The following ADK variants were observed in gnomAD, a reference collection of about 807,000 sequenced individuals.
ADK encodes the protein adenosine kinase.
In ADK, 24 loss-of-function variants were observed where a neutral mutation model predicts 44.7. The observed-to-expected ratio is 0.54, with a 90% CI of 0.39 to 0.76. The LOEUF (loss-of-function observed/expected upper bound fraction) is 0.76, where lower values mean the gene tolerates loss of function less well. Among genes scored for constraint, ADK ranks in the 30% least tolerant of loss-of-function variants. ADK has a pLI of 0.00. For synonymous variants in ADK, 128 were observed against 142.6 expected, an observed-to-expected ratio of 0.90 and a Z score of 0.73; for missense variants, 321 against 425.1, an observed-to-expected ratio of 0.76 and a Z score of 2.15.
Position 74,412,411 on chromosome 10 carries a change from GA to G in ADK, c.555+13833del, listed in dbSNP as rs1844215841. On this transcript the variant is annotated intron_variant, in intron 6 of 10. Coordinates refer to ENST00000539909, the MANE Select transcript of ADK (RefSeq NM_006721.4). ...CCACTGCGGCCTCCCAAAGCGCTGGGATTGCAGGTGTGAGCCACCATGCCCA... is the reference window on the plus strand; with the variant it reads ...CCACTGCGGCCTCCCAAAGCGCTGGGTTGCAGGTGTGAGCCACCATGCCCA... 3.9e-5 allele frequency among the ~76,000 whole-genome samples: 6 copies of G among 152,152 alleles called. No individual in the cohort carries two copies. The South Asian group carries it at 1.2e-3, about 31-fold the overall frequency.
At chr10:74,431,460 G>T (rs1844996390) in intron 6 of ADK, among the ~76,000 whole-genome samples, 1 of 152,162 alleles carries the variant, frequency 6.6e-6, no homozygotes, top group Non-Finnish European at 1.5e-5. Context: ...TGCATCTGAG[G>T]CCGGGCATGG....
At chr10:74,414,752 T>G (rs1844310292) in intron 6 of ADK, among the ~76,000 whole-genome samples, 1 of 152,136 alleles carries the variant, frequency 6.6e-6, no homozygotes, top group Non-Finnish European at 1.5e-5. Flanking sequence ...ACAGAGATCC[T>G]ATTTGTGTTT....
chr10:74,687,260 C>T (rs1443383458), intron 10 of ADK, among the ~76,000 whole-genome samples: 1 of 152,206 alleles, frequency 6.6e-6, no homozygotes, highest in African/African-American at 2.4e-5. Context: ...GATCTTCACT[C>T]CAGTTCTTCA....
At chr10:74,325,129 C>G (rs1357146827) in intron 4 of ADK, among the ~76,000 whole-genome samples, 5 of 152,016 alleles carry the variant, frequency 3.3e-5, no homozygotes, top group African/African-American at 1.2e-4. Context: ...TGAATGCAGG[C>G]TGTCTTTTAT....
At position 74,207,325 on chromosome 10, in the gene ADK, T is replaced by G. The variant is rs181327050; in HGVS notation, c.140+6487T>G. On this transcript the variant is annotated intron_variant, in intron 2 of 10. Coordinates refer to ENST00000539909, the MANE Select transcript of ADK (RefSeq NM_006721.4). ...GCTCTCAGAAGGGCTGCAGCTCTTC[T>G]TTCCTTCTTGTTGCCTGCAAGGTGC... Among the ~76,000 whole-genome samples the G allele has an allele frequency of 6.6e-5, 10 of 152,336 alleles. No homozygotes were observed. In the East Asian group the frequency reaches 1.7e-3, roughly 26 times the overall value.
chr10:74,211,353 C>T (rs1034081644), intron 2 of ADK, among the ~76,000 whole-genome samples: 10 of 152,034 alleles, frequency 6.6e-5, no homozygotes, highest in African/African-American at 2.4e-4. Context: ...ATTTTCTTAT[C>T]CTTACAAATA....
intron 1 of ADK, among the ~76,000 whole-genome samples, chr10:74,165,685 T>C (rs1275279210): frequency 1.3e-5 from 2 of 152,018 alleles, no homozygotes; most frequent in Non-Finnish European, 2.9e-5. Context: ...TCTTGCTGTT[T>C]ATATTATGTA....
chr10:74,560,891 C>T (rs1457391666), intron 7 of ADK, among the ~76,000 whole-genome samples: 6 of 152,118 alleles, frequency 3.9e-5, no homozygotes, highest in Non-Finnish European at 2.9e-5. Flanking sequence ...TTTTAAGGTG[C>T]GAGCTATTAT....
intron 9 of ADK, among the ~76,000 whole-genome samples, chr10:74,618,246 T>C (rs760809566): frequency 6.6e-6 from 1 of 152,114 alleles, no homozygotes; most frequent in Non-Finnish European, 1.5e-5. Context: ...GTATCTTCTT[T>C]TTTCTCTCCT....
chr10:74,521,521 A>C (rs560591105), intron 6 of ADK, among the ~76,000 whole-genome samples: 4 of 152,300 alleles, frequency 2.6e-5, no homozygotes, highest in African/African-American at 9.6e-5. Flanking sequence ...TTATTTGACC[A>C]GGTTACTATT....
intron 6 of ADK, among the ~76,000 whole-genome samples, chr10:74,454,827 G>A (rs1476695179): frequency 6.6e-6 from 1 of 152,130 alleles, no homozygotes; most frequent in Non-Finnish European, 1.5e-5. Context: ...ACTTGGCAAG[G>A]CCTTTTTGTT....
At chr10:74,508,717 CTT>C (rs888958926) in intron 6 of ADK, among the ~76,000 whole-genome samples, 28 of 152,080 alleles carry the variant, frequency 1.8e-4, no homozygotes, top group African/African-American at 6.8e-4. Flanking sequence ...TAGTTTCTCT[CTT>C]TTTTTATTTT....
At chr10:74,659,154 G>A (rs7895292) in intron 9 of ADK, among the ~76,000 whole-genome samples, 36,660 of 152,046 alleles carry the variant, frequency 0.24, 5,644 homozygotes, top group East Asian at 0.69. Flanking sequence ...AGAGCTCAAG[G>A]CTGCAGTGAG....
chr10:74,181,243 T>TG (rs1322860991), intron 1 of ADK, among the ~76,000 whole-genome samples: 73 of 152,002 alleles, frequency 4.8e-4, no homozygotes, highest in African/African-American at 8.7e-4. Flanking sequence ...TGATTTTTTT[T>TG]TGGGGGGGGT....
At chr10:74,435,537 G>A (rs566217717) in intron 6 of ADK, among the ~76,000 whole-genome samples, 30 of 152,086 alleles carry the variant, frequency 2.0e-4, no homozygotes, top group African/African-American at 6.7e-4. Context: ...GCAAAAAACC[G>A]CCCAAATTTA....
At chr10:74,501,022 A>G (rs1482846899) in intron 6 of ADK, among the ~76,000 whole-genome samples, 1 of 152,178 alleles carries the variant, frequency 6.6e-6, no homozygotes, top group Non-Finnish European at 1.5e-5. Context: ...AACACTGACC[A>G]CTCTGAAGGA....
At chr10:74,362,100 A>G (rs574567314) in intron 4 of ADK, among the ~76,000 whole-genome samples, 79 of 152,186 alleles carry the variant, frequency 5.2e-4, no homozygotes, top group Non-Finnish European at 9.3e-4. Flanking sequence ...CTGAATATTT[A>G]TATCTTTTTT....
At chr10:74,304,185 GTC>G (rs1791146298) in intron 3 of ADK, among the ~76,000 whole-genome samples, 1 of 151,608 alleles carries the variant, frequency 6.6e-6, no homozygotes, top group Non-Finnish European at 1.5e-5. Context: ...TGTATCAAGT[GTC>G]TTACAAGTAT....
chr10:74,536,878 T>C (rs141570719), intron 7 of ADK, among the ~76,000 whole-genome samples: 224 of 152,316 alleles, frequency 1.5e-3, no homozygotes, highest in Middle Eastern at 6.8e-3. Context: ...TGTGTGAAAT[T>C]TTGTTTTTTG....
Sources: gnomAD v4.1 joint callset for allele counts (sites outside exome capture counted in the v4.1 genomes callset) on GRCh38, gnomAD v4.1.1 for gene constraint, MANE v1.5 for transcripts, NCBI Gene and HGNC (gene_info 2026-07-23, HGNC 2026-07-21) for gene names.